The following ESRRG variants were observed in gnomAD, a reference collection of about 807,000 sequenced individuals.
ESRRG encodes estrogen-related receptor gamma.
ESRRG carries 13 observed loss-of-function variants against 44.0 expected under a neutral mutation model. The observed-to-expected ratio is 0.30, with a 90% confidence interval of 0.19 to 0.47. The LOEUF (loss-of-function observed/expected upper bound fraction) is 0.47, where lower values mean the gene tolerates loss of function less well. Among genes scored for constraint, ESRRG ranks in the 20% least tolerant of loss-of-function variants. The probability of loss-of-function intolerance (pLI) is 1.00; values close to 1 mark genes in which losing one functional copy is unlikely to be tolerated. For synonymous variants in ESRRG, 215 were observed against 214.6 expected, an observed-to-expected ratio of 1.00 and a Z score of -0.02; for missense variants, 395 against 580.6, an observed-to-expected ratio of 0.68 and a Z score of 3.29.
At chr1:217,023,902 A>T (rs566505267) in intron 1 of ESRRG, among the ~76,000 whole-genome samples, 1 of 152,352 alleles carries the variant, frequency 6.6e-6, no homozygotes, top group East Asian at 1.9e-4. Flanking sequence ...ATGGCAATGC[A>T]TGAGCAGATG....
intron 2 of ESRRG, among the ~76,000 whole-genome samples, chr1:216,791,694 T>C (rs2094325283): frequency 6.6e-6 from 1 of 152,190 alleles, no homozygotes; most frequent in Non-Finnish European, 1.5e-5. Flanking sequence ...TTTTTTATTA[T>C]TCATAGTTTG....
At chr1:217,119,380 C>T (rs758291881) in intron 1 of ESRRG, among the ~76,000 whole-genome samples, 13 of 152,188 alleles carry the variant, frequency 8.5e-5, no homozygotes, top group Non-Finnish European at 1.8e-4. Flanking sequence ...CAACATTAAT[C>T]CCTTCAGGTA....
intron 1 of ESRRG, among the ~76,000 whole-genome samples, chr1:216,952,471 T>A (rs1466659620): frequency 6.6e-6 from 1 of 152,162 alleles, no homozygotes; most frequent in African/African-American, 2.4e-5. Context: ...TCCTGAATCT[T>A]ACCCATTCAG....
upstream of ESRRG, chr1:216,723,494 A>G (rs2086823328): frequency 1.7e-6 from 1 of 578,036 alleles, no homozygotes; most frequent in South Asian, 2.2e-5. Flanking sequence ...GTAGGGCTTT[A>G]CATATGCAGT....
chr1:216,768,466 C>CTATG (rs1202945600), intron 2 of ESRRG, among the ~76,000 whole-genome samples: 1 of 147,214 alleles, frequency 6.8e-6, no homozygotes, highest in Non-Finnish European at 1.5e-5. Flanking sequence ...ATCTATCTAT[C>CTATG]TATCTATCTA....
At chr1:216,806,775 A>G (rs1313032951) in intron 2 of ESRRG, among the ~76,000 whole-genome samples, 1 of 152,204 alleles carries the variant, frequency 6.6e-6, no homozygotes, top group South Asian at 2.1e-4. Context: ...GTTTTTGTGC[A>G]TCTTGCCAGG....
chr1:216,537,577 C>T (rs2051360647), intron 5 of ESRRG, among the ~76,000 whole-genome samples: 1 of 151,982 alleles, frequency 6.6e-6, no homozygotes, highest in South Asian at 2.1e-4. Flanking sequence ...GCAGGCATGT[C>T]ACAAAGGCTT....
At chr1:216,623,718 T>C (rs2062694970) in intron 3 of ESRRG, among the ~76,000 whole-genome samples, 2 of 152,092 alleles carry the variant, frequency 1.3e-5, no homozygotes, top group South Asian at 4.1e-4. Flanking sequence ...AGACATAACC[T>C]CTAAATGGTG....
intron 2 of ESRRG, among the ~76,000 whole-genome samples, chr1:216,828,498 A>T (rs1229536059): frequency 6.6e-6 from 1 of 152,164 alleles, no homozygotes; most frequent in Admixed American, 6.5e-5. Context: ...AAAGCACATA[A>T]CAATAGTAAG....
intron 1 of ESRRG, among the ~76,000 whole-genome samples, chr1:217,086,853 G>A (rs12123088): frequency 0.15 from 23,452 of 152,152 alleles, 2,211 homozygotes; most frequent in Admixed American, 0.22. Context: ...AGATCAATCT[G>A]TAAGGCATAC....
exon 1 of ESRRG, chr1:217,089,578 T>G (rs1040047294): frequency 6.6e-6 from 1 of 152,198 alleles, no homozygotes; most frequent in African/African-American, 2.4e-5. Flanking sequence ...CGAAGCCGGT[T>G]TCTTTGGCTA....
chr1:217,028,355 C>T (rs2150994865), intron 1 of ESRRG, among the ~76,000 whole-genome samples: 1 of 152,262 alleles, frequency 6.6e-6, no homozygotes, highest in South Asian at 2.1e-4. Flanking sequence ...TGAGAGAACC[C>T]ACATTGGAGA....
intron 1 of ESRRG, among the ~76,000 whole-genome samples, chr1:217,006,085 T>C (rs906736825): frequency 3.3e-5 from 5 of 152,156 alleles, no homozygotes; most frequent in Non-Finnish European, 5.9e-5. Flanking sequence ...TTTGAACTCA[T>C]AGAATTTGAA....
intron 2 of ESRRG, among the ~76,000 whole-genome samples, chr1:216,838,868 C>T (rs1170714910): frequency 2.6e-5 from 4 of 152,148 alleles, no homozygotes; most frequent in East Asian, 3.9e-4. Context: ...TTCAGTGAGT[C>T]GTAATCTTTT....
intron 1 of ESRRG, among the ~76,000 whole-genome samples, chr1:216,981,287 T>C (rs2073923034): frequency 6.6e-6 from 1 of 152,238 alleles, no homozygotes; most frequent in African/African-American, 2.4e-5. Flanking sequence ...CTGGTTTCAC[T>C]GGATTTCTCA....
intron 1 of ESRRG, among the ~76,000 whole-genome samples, chr1:217,117,178 C>T: frequency 6.6e-6 from 1 of 152,128 alleles, no homozygotes; most frequent in Admixed American, 6.5e-5. Flanking sequence ...CCTTGAAAAG[C>T]CACATCCCTT....
intron 5 of ESRRG, among the ~76,000 whole-genome samples, chr1:216,528,347 A>G (rs2048305604): frequency 6.6e-6 from 1 of 152,206 alleles, no homozygotes; most frequent in Non-Finnish European, 1.5e-5. Flanking sequence ...TCAATTTAGA[A>G]GTAAAGTTGA....
chr1:216,739,433 A>T (rs1045750901), intron 2 of ESRRG, among the ~76,000 whole-genome samples: 3 of 152,210 alleles, frequency 2.0e-5, no homozygotes, highest in African/African-American at 7.2e-5. Flanking sequence ...AACAGTGAAG[A>T]GCTGCCAATG....
intron 1 of ESRRG, among the ~76,000 whole-genome samples, chr1:217,104,670 T>G (rs2092564653): frequency 6.6e-6 from 1 of 151,996 alleles, no homozygotes; most frequent in South Asian, 2.1e-4. Context: ...AACTGGAATG[T>G]AGGTAGGAAA....
Sources: gnomAD v4.1 joint callset for allele counts (sites outside exome capture counted in the v4.1 genomes callset) on GRCh38, gnomAD v4.1.1 for gene constraint, MANE v1.5 for transcripts, NCBI Gene and HGNC (gene_info 2026-07-23, HGNC 2026-07-21) for gene names.